The following PRC1 variants were observed in gnomAD, a reference collection of about 807,000 sequenced individuals.
PRC1 encodes the protein anaphase spindle elongation 1 homolog.
Under a neutral mutation model 91.2 loss-of-function variants are expected in PRC1, and 54 were observed. The observed-to-expected ratio is 0.59, with a 90% CI of 0.48 to 0.74. The LOEUF is 0.74. PRC1 is among the 30% of genes least tolerant of loss of function. The pLI, the probability that PRC1 is intolerant of heterozygous loss-of-function variation, is 0.00. For missense variants in PRC1, 727 were observed against 746.2 expected (o/e 0.97, Z 0.30); for synonymous variants, 275 against 263.6 (o/e 1.04, Z -0.42).
intron 3 of PRC1, chr15:90,983,762 T>C (rs2039379997): frequency 3.2e-6 from 1 of 311,272 alleles, no homozygotes; most frequent in Non-Finnish European, 5.8e-6. Flanking sequence ...TCATATTCCC[T>C]ACAAAGCAAA....
rs565228499 is a variant in PRC1 at position 90,987,040 on chromosome 15, G to A, written c.12-2215C>T. 3.3e-5 allele frequency among the ~76,000 whole-genome samples: 5 copies of A among 150,598 alleles called. 1 individual carries two copies. Among genetic ancestry groups the A allele is most frequent in the African/African-American group, 1.2e-4 (5 of 40,852 alleles). ...TGTATTCCTAGCACCTTGCAAGGCC[G>A]AGGCAGGAAAACTGTTTGAGCCCAG... is the stretch of plus-strand genomic sequence containing the variant. On this transcript the variant is annotated intron_variant, in intron 1 of 14. Coordinates refer to ENST00000394249, the MANE Select transcript of PRC1 (RefSeq NM_003981.4).
Position 90,974,384 on chromosome 15 carries a change from C to A in PRC1, c.1351-138G>T. ...GAGCTGCCGCGGGCTCCCCGTTCCA[C>A]AAGCCCCGGTCCCCGGCTCCCCGTT... On this transcript the variant is annotated intron_variant, in intron 10 of 14. Transcript: ENST00000394249. The surrounding 1 kb of genome is among the most constrained non-coding windows in gnomAD (Gnocchi z 4.6). 9.2e-7 allele frequency: 1 copy of A among 1,082,452 alleles called. No homozygotes were observed. Among genetic ancestry groups the A allele is most frequent in the Non-Finnish European group, 1.3e-6 (1 of 754,750 alleles). The allele number at this position is 1,082,452 out of a possible 1,614,324, so 67.1% of individuals were successfully genotyped here.
intron 6 of PRC1, 56 bp downstream of exon 6, chr15:90,980,828 C>T (rs1472261026): frequency 8.7e-6 from 14 of 1,608,522 alleles, no homozygotes; most frequent in Middle Eastern, 3.3e-4. Context: ...GTCTTTATGA[C>T]TAACACAGAA....
chr15:90,977,576 GT>G (rs777558725), intron 8 of PRC1, among the ~76,000 whole-genome samples: 8,945 of 95,174 alleles, frequency 0.094, 218 homozygotes, highest in African/African-American at 0.11. Context: ...CCTTATTTAC[GT>G]TTTTTTTTTT....
At chr15:90,989,130 A>G (rs75480901) in intron 1 of PRC1, among the ~76,000 whole-genome samples, 30 of 149,126 alleles carry the variant, frequency 2.0e-4, no homozygotes, top group Non-Finnish European at 3.5e-4. Context: ...ATGGTATAAT[A>G]AAAAAAAATA....
At chr15:90,991,004 C>T (rs1159548503) in intron 1 of PRC1, among the ~76,000 whole-genome samples, 2 of 151,088 alleles carry the variant, frequency 1.3e-5, no homozygotes, top group East Asian at 4.0e-4. Flanking sequence ...GTCTCAAACT[C>T]CTGACCTCGT....
At chr15:90,968,215 C>T (rs2037705997) in intron 14 of PRC1, 1 of 985,268 alleles carries the variant, frequency 1.0e-6, no homozygotes, top group African/African-American at 1.7e-5. Context: ...AAAGCTGGAC[C>T]TCTGTCCAGC....
rs947424786 is a variant in PRC1, at chr15:90,984,356, G to A, written c.145-216C>T. Among the ~76,000 whole-genome samples, 2 of 152,158 alleles carry A rather than the reference G, an allele frequency of 1.3e-5. No homozygotes were observed. The highest frequency in any genetic ancestry group is 1.5e-5 in the Non-Finnish European group (1 of 68,032). ...AGATTCTCCTGTCTCAGCCTCTTGA[G>A]TAGCTGGGATTACAGGTGCTCACCA... On this transcript the variant is annotated intron_variant, in intron 2 of 14. Coordinates refer to ENST00000394249, the MANE Select transcript of PRC1 (RefSeq NM_003981.4). This position sits in a 1 kb window ranked among gnomAD's most constrained non-coding sequence, Gnocchi z 5.1.
In PRC1 at chr15:90,974,340, C is replaced by G; in HGVS notation, c.1351-94G>C. 1 of 1,200,172 alleles carries G rather than the reference C, an allele frequency of 8.3e-7. No individual in the cohort carries two copies. Among genetic ancestry groups the G allele is most frequent in the South Asian group, 1.3e-5 (1 of 77,790 alleles). The allele number at this position is 1,200,172 out of a possible 1,614,324, so 74.3% of individuals were successfully genotyped here. A position where few individuals can be genotyped will look rare whatever the true frequency, so the allele number is the denominator to read the frequency against. ...CAGGGCCGGGAATCTAGGCCCGTGT[C>G]TCTACAGCCAGAGCTAAAGAGCTGC... On this transcript the variant is annotated intron_variant, in intron 10 of 14. Coordinates refer to ENST00000394249, the MANE Select transcript of PRC1 (RefSeq NM_003981.4). The surrounding 1 kb of genome is among the most constrained non-coding windows in gnomAD (Gnocchi z 4.6).
At chr15:90,986,687 AT>A (rs2039597761) in intron 1 of PRC1, among the ~76,000 whole-genome samples, 1 of 133,300 alleles carries the variant, frequency 7.5e-6, no homozygotes, top group Admixed American at 7.4e-5. Context: ...AAATTATTAT[AT>A]TTCTATTTTA....
At chr15:90,986,694 TTTTATTTA>T (rs149790373) in intron 1 of PRC1, among the ~76,000 whole-genome samples, 56,349 of 151,454 alleles carry the variant, frequency 0.37, 12,176 homozygotes, top group African/African-American at 0.59. Context: ...TATATTTCTA[TTTTATTTA>T]TTTATTTATT....
chr15:90,985,811 G>T (rs1169628191), intron 1 of PRC1: 1 of 152,112 alleles, frequency 6.6e-6, no homozygotes, highest in Non-Finnish European at 1.5e-5. Flanking sequence ...ACTGCGCCCG[G>T]GCCTAGTATT....
chr15:90,969,763 C>CATATATATTAT (rs2037911180), intron 12 of PRC1, 140 bp from the exon 13 acceptor site: 2 of 126,770 alleles, frequency 1.6e-5, no homozygotes, highest in African/African-American at 5.6e-5. Flanking sequence ...AAAAAAAAAA[C>CATATATATTAT]ATATATATAT....
Position 90,994,409 on chromosome 15 carries a change from T to G in PRC1, c.9A>C (p.Arg3Ser). The change falls in exon 1 of 15, where the codon AGA (arginine) becomes AGC (serine). Residue 3 changes from arginine (R) to serine (S), a missense_variant and splice_region_variant. By Grantham distance (110) the Arg-to-Ser change is moderately radical. Coordinates refer to ENST00000394249, the MANE Select transcript of PRC1 (RefSeq NM_003981.4). ...CTCGATTTCCCCGCAACCCGCACCT[T>G]CTCCTCATGGCGGACGCTCCAAGCA... Reference protein sequence around the residue: MRRSEVLAEESIV... With the variant: MRSSEVLAEESIV... 1 of 1,611,240 alleles carries G rather than the reference T, an allele frequency of 6.2e-7. No homozygotes were observed. The highest frequency in any genetic ancestry group is 8.5e-7 in the Non-Finnish European group (1 of 1,178,900).
chr15:90,990,365 A>AAAAT (rs1186419876), intron 1 of PRC1, among the ~76,000 whole-genome samples: 68 of 146,792 alleles, frequency 4.6e-4, no homozygotes, highest in Non-Finnish European at 7.1e-4. Context: ...AATAAAAAAT[A>AAAAT]AAATAAATAA....
At chr15:90,987,048 A>C (rs1467876643) in intron 1 of PRC1, among the ~76,000 whole-genome samples, 1 of 151,234 alleles carries the variant, frequency 6.6e-6, no homozygotes. Flanking sequence ...CCGAGGCAGG[A>C]AAACTGTTTG....
chr15:90,969,716 CTTTAT>C, intron 12 of PRC1, 93 bp from the exon 13 acceptor site: 1 of 863,236 alleles, frequency 1.2e-6, no homozygotes, highest in Non-Finnish European at 1.6e-6. Context: ...CTGAGACTAT[CTTTAT>C]ATTCATGTCT....
At chr15:90,979,518 A>G (rs764779854) in intron 7 of PRC1, among the ~76,000 whole-genome samples, 1 of 152,226 alleles carries the variant, frequency 6.6e-6, no homozygotes, top group Non-Finnish European at 1.5e-5. Context: ...GATAGAGACT[A>G]AAATAATGTT....
chr15:90,968,479 A>G (rs923751743), intron 14 of PRC1: 3 of 985,372 alleles, frequency 3.0e-6, no homozygotes, highest in Non-Finnish European at 3.6e-6. Context: ...ATCACAGATT[A>G]AGTAAAAGGC....
Sources: gnomAD v4.1 joint callset for allele counts (sites outside exome capture counted in the v4.1 genomes callset) on GRCh38, gnomAD v4.1.1 for gene constraint, Gnocchi (gnomAD v3.1) non-coding constraint, MANE v1.5 for transcripts, NCBI Gene and HGNC (gene_info 2026-07-23, HGNC 2026-07-21) for gene names.